The following SLC9A7 variants were observed in gnomAD, a reference collection of about 807,000 sequenced individuals.
The protein encoded by SLC9A7 is sodium/hydrogen exchanger 7.
A neutral mutation model predicts 52.6 loss-of-function variants in SLC9A7; 19 were observed. The ratio of observed to expected loss-of-function variants is 0.36; its 90% confidence interval spans 0.25 to 0.53. SLC9A7 has a LOEUF of 0.53. Among genes scored for constraint, SLC9A7 ranks in the 20% least tolerant of loss-of-function variants. The pLI is 0.91. For missense variants in SLC9A7, 455 were observed against 597.9 expected, an observed-to-expected ratio of 0.76 and a Z score of 2.49; for synonymous variants, 226 against 252.1, an observed-to-expected ratio of 0.90 and a Z score of 0.98.
intron 1 of SLC9A7, among the ~76,000 whole-genome samples, chrX:46,690,219 T>G (rs774788866): frequency 8.9e-6 from 1 of 112,318 alleles, no homozygotes; most frequent in East Asian, 2.8e-4. Flanking sequence ...GGGTTCTAGT[T>G]GCTCCACATC....
At chrX:46,643,122 C>A in intron 12 of SLC9A7, 114 bp downstream of exon 12, 2 of 699,213 alleles carry the variant, frequency 2.9e-6, no homozygotes, top group Non-Finnish European at 4.0e-6. Flanking sequence ...CAAACAAAAC[C>A]AAAGACTGTA....
At position 46,651,416 on chromosome X, in the gene SLC9A7, TC is replaced by T. The variant is rs1370189234; in HGVS notation, c.1148-13del. The T allele has an allele frequency of 4.6e-6, 5 of 1,094,064 alleles. No homozygotes were observed. The highest frequency in any genetic ancestry group is 4.3e-5 in the African/African-American group (2 of 46,351). The allele number at this position is 1,094,064 out of a possible 1,213,427, so 90.2% of individuals were successfully genotyped here. A position where few individuals can be genotyped will look rare whatever the true frequency, so the allele number is the denominator to read the frequency against. On this transcript the variant is annotated splice_polypyrimidine_tract_variant and intron_variant, in intron 8 of 16. Transcript: ENST00000616978. The stretch of plus-strand genomic sequence containing the variant: ...GACAGCTACAACACCTGTTAAAACA[TC>T]CCCCCAAAAAAAATCAATGGAAAAA...
chrX:46,643,944 T>C (rs1337020990), intron 11 of SLC9A7, among the ~76,000 whole-genome samples: 1 of 112,385 alleles, frequency 8.9e-6, no homozygotes, highest in Non-Finnish European at 1.9e-5. Flanking sequence ...AAATCAAGAA[T>C]ATTATGTGGG....
chrX:46,687,395 C>A (rs1944312404), intron 1 of SLC9A7, among the ~76,000 whole-genome samples: 2 of 111,505 alleles, frequency 1.8e-5, no homozygotes, highest in Admixed American at 9.5e-5. Context: ...ATCTGAAATT[C>A]CAAGAAAAGA....
chrX:46,738,099 GAA>G lies in SLC9A7; in HGVS notation c.325+20604_325+20605del, dbSNP rs768979788. Among the ~76,000 whole-genome samples, 11 of 48,125 alleles carry G rather than the reference GAA, an allele frequency of 2.3e-4. 1 individual carries two copies. The highest frequency in any genetic ancestry group is 1.6e-3 in the South Asian group (2 of 1,274). The allele number at this position is 48,125 out of a possible 115,157, so 41.8% of individuals were successfully genotyped here. ...AGAAAGAAAGAAAGAAAGAAAGAAA[GAA>G]AGAAAGAGAAAAGAAAAGAAAAGTT... On this transcript the variant is annotated intron_variant, in intron 1 of 16. Transcript: ENST00000616978.
chrX:46,747,585 C>A (rs965349959), intron 1 of SLC9A7, among the ~76,000 whole-genome samples: 1 of 111,213 alleles, frequency 9.0e-6, no homozygotes, highest in Non-Finnish European at 1.9e-5. Flanking sequence ...AAATTATAAA[C>A]CTATGTTAAT....
rs1369116324 is a variant in SLC9A7 at position 46,603,873 on chromosome X, AACAAC to A, written c.*3074_*3078del. On this transcript the variant is annotated 3_prime_UTR_variant, in exon 17 of 17. Transcript: ENST00000616978. ...CAAAACAAAACAAAAAACAAACAACAACAACACAACAACAAAGCCTTGAGGTGAAC... is the reference window on the plus strand; with the variant it reads ...CAAAACAAAACAAAAAACAAACAACAACAACAACAAAGCCTTGAGGTGAAC... 1 of 111,539 alleles carries A rather than the reference AACAAC, an allele frequency of 9.0e-6. No homozygotes were observed. Among genetic ancestry groups the A allele is most frequent in the African/African-American group, 3.3e-5 (1 of 30,600 alleles). The allele number at this position is 111,539 out of a possible 1,213,427, so 9.2% of individuals were successfully genotyped here. A position where few individuals can be genotyped will look rare whatever the true frequency, so the allele number is the denominator to read the frequency against.
At chrX:46,668,523 C>CA (rs749548649) in intron 5 of SLC9A7, among the ~76,000 whole-genome samples, 121 of 102,526 alleles carry the variant, frequency 1.2e-3, no homozygotes, top group East Asian at 8.1e-3. Context: ...CAAAACAAAA[C>CA]AAAAAAAAAA....
chrX:46,706,406 T>C (rs779935882), intron 1 of SLC9A7, among the ~76,000 whole-genome samples: 4 of 107,966 alleles, frequency 3.7e-5, no homozygotes, highest in Non-Finnish European at 7.7e-5. Flanking sequence ...AATGGGTACA[T>C]GGGATTTGGT....
At chrX:46,643,413 C>G (rs778361169) in intron 11 of SLC9A7, 24 bp from the exon 12 acceptor site, 1 of 1,189,073 alleles carries the variant, frequency 8.4e-7, no homozygotes, top group South Asian at 1.8e-5. Context: ...AGAAGAAGAT[C>G]TACTTATAAG....
intron 1 of SLC9A7, among the ~76,000 whole-genome samples, chrX:46,738,389 A>T (rs900946982): frequency 8.0e-5 from 9 of 112,410 alleles, no homozygotes; most frequent in African/African-American, 2.9e-4. Context: ...TCCTGTGGAA[A>T]TGTCCTCTTT....
At chrX:46,753,394 T>C (rs781977957) in intron 1 of SLC9A7, among the ~76,000 whole-genome samples, 6 of 112,172 alleles carry the variant, frequency 5.3e-5, no homozygotes, top group South Asian at 7.4e-4. Flanking sequence ...GTATATACAG[T>C]ATATAGTTAT....
chrX:46,688,615 AAG>A (rs1944334760), intron 1 of SLC9A7, among the ~76,000 whole-genome samples: 1 of 110,212 alleles, frequency 9.1e-6, no homozygotes, highest in Admixed American at 9.7e-5. Context: ...AAAAAAAAAA[AAG>A]AGTTATAGTT....
At chrX:46,737,604 AT>A (rs941928801) in intron 1 of SLC9A7, among the ~76,000 whole-genome samples, 2 of 112,226 alleles carry the variant, frequency 1.8e-5, no homozygotes, top group African/African-American at 6.5e-5. Flanking sequence ...AAGTCTGTTT[AT>A]TAGTATTTCC....
At chrX:46,620,884 T>C (rs991172171) in intron 15 of SLC9A7, 93 bp downstream of exon 15, 4 of 638,169 alleles carry the variant, frequency 6.3e-6, no homozygotes, top group African/African-American at 4.4e-5. Context: ...AGCATGCATC[T>C]TTCCTTACTT....
At position 46,600,408 on chromosome X, in the gene SLC9A7, GAGA is replaced by G. The variant is rs764252530; in HGVS notation, c.*6541_*6543del. ...CCTTTTGAAAGGTGGTCATCAGAAGGAGAAGGTGACTTCTGCTGTGTGCGCTCC... is the reference window on the plus strand; with the variant it reads ...CCTTTTGAAAGGTGGTCATCAGAAGGAGGTGACTTCTGCTGTGTGCGCTCC... On this transcript the variant is annotated 3_prime_UTR_variant, in exon 17 of 17. Coordinates refer to ENST00000616978, the MANE Select transcript of SLC9A7 (RefSeq NM_001257291.2). 1.8e-5 allele frequency: 2 copies of G among 111,714 alleles called. No individual in the cohort carries two copies. The highest frequency in any genetic ancestry group is 2.8e-4 in the East Asian group (1 of 3,557). 9.2% of individuals were successfully genotyped at this position (111,714 alleles called of 1,213,427 possible). A position where few individuals can be genotyped will look rare whatever the true frequency, so the allele number is the denominator to read the frequency against.
intron 15 of SLC9A7, 58 bp from the exon 16 acceptor site, chrX:46,613,452 G>A (rs984359180): frequency 2.2e-6 from 2 of 909,040 alleles, no homozygotes; most frequent in Non-Finnish European, 3.0e-6. Context: ...ACAACAAAAT[G>A]TGCTTAAAAA....
chrX:46,755,152 C>A (rs1341328871), intron 1 of SLC9A7, among the ~76,000 whole-genome samples: 2 of 112,205 alleles, frequency 1.8e-5, no homozygotes, highest in Non-Finnish European at 3.8e-5. Context: ...GGGGGAGTTC[C>A]TTTCTGTTTA....
chrX:46,724,719 C>T (rs1944916034), intron 1 of SLC9A7, among the ~76,000 whole-genome samples: 1 of 111,448 alleles, frequency 9.0e-6, no homozygotes, highest in Admixed American at 9.5e-5. Flanking sequence ...ATCACTTTAA[C>T]CAACCTATAA....
Sources: gnomAD v4.1 joint callset for allele counts (sites outside exome capture counted in the v4.1 genomes callset) on GRCh38, gnomAD v4.1.1 for gene constraint, MANE v1.5 for transcripts, NCBI Gene and HGNC (gene_info 2026-07-23, HGNC 2026-07-21) for gene names.